Variants in LRR1 observed in about 807,000 individuals in gnomAD.
LRR1 encodes the protein leucine rich repeat protein 1, also known as leucine-rich repeat protein 1.
A neutral mutation model predicts 31.6 loss-of-function variants in LRR1; 29 were observed. The ratio of observed to expected loss-of-function variants is 0.92; its 90% CI spans 0.68 to 1.25. The LOEUF is 1.25. Among genes scored for constraint, LRR1 ranks in the 50% most tolerant of loss-of-function variants. LRR1 has a pLI of 0.00. For missense variants in LRR1, 485 were observed against 487.2 expected, an observed-to-expected ratio of 1.00 and a Z score of 0.04; for synonymous variants, 179 against 181.4, an observed-to-expected ratio of 0.99 and a Z score of 0.10.
intron 3 of LRR1, among the ~76,000 whole-genome samples, chr14:49,611,649 G>A (rs774016441): frequency 2.2e-4 from 34 of 152,098 alleles, no homozygotes; most frequent in Admixed American, 7.9e-4. Flanking sequence ...AAGGCTGGGC[G>A]CAGTGGCTCA....
chr14:49,614,247 T>G lies in LRR1; in HGVS notation c.1005-9T>G. On this transcript the variant is annotated splice_polypyrimidine_tract_variant and intron_variant, in intron 3 of 3. Transcript: ENST00000298288. ...TGTTATAAAATATTTTTATCATTCT[T>G]TCCAATAGGATTCCATATGGCTCTC... 1 of 1,608,228 alleles carries G rather than the reference T, an allele frequency of 6.2e-7. No individual in the cohort carries two copies.
intron 1 of LRR1, chr14:49,601,268 T>G (rs1290849598): frequency 5.5e-6 from 6 of 1,095,220 alleles, no homozygotes; most frequent in Non-Finnish European, 7.6e-6. Flanking sequence ...TGTCTTGATA[T>G]TTGTTATGCT....
intron 3 of LRR1, among the ~76,000 whole-genome samples, chr14:49,613,760 G>A (rs1882600871): frequency 6.6e-6 from 1 of 152,054 alleles, no homozygotes; most frequent in Non-Finnish European, 1.5e-5. Flanking sequence ...AGATTGCAGT[G>A]AGAGCGCGCA....
At chr14:49,609,217 C>CTTTTTTTTTTTTTTTT (rs746422046) in intron 3 of LRR1, among the ~76,000 whole-genome samples, 6 of 76,932 alleles carry the variant, frequency 7.8e-5, no homozygotes, top group African/African-American at 3.3e-4. Context: ...ACACCTGGCC[C>CTTTTTTTTTTTTTTTT]TTTTTTTTTT....
chr14:49,611,654 G>C (rs1379772435), intron 3 of LRR1, among the ~76,000 whole-genome samples: 1 of 152,138 alleles, frequency 6.6e-6, no homozygotes, highest in Non-Finnish European at 1.5e-5. Flanking sequence ...TGGGCGCAGT[G>C]GCTCACGCCT....
chr14:49,611,955 G>A (rs1882531100), intron 3 of LRR1, among the ~76,000 whole-genome samples: 1 of 151,332 alleles, frequency 6.6e-6, no homozygotes, highest in Non-Finnish European at 1.5e-5. Context: ...GAAAGAAATT[G>A]TACATTGTAT....
At chr14:49,609,229 T>TTTTTTTTTTC (rs1882417840) in intron 3 of LRR1, among the ~76,000 whole-genome samples, 2 of 122,672 alleles carry the variant, frequency 1.6e-5, no homozygotes, top group African/African-American at 6.4e-5. Context: ...TTTTTTTTTT[T>TTTTTTTTTTC]TTTTTTTTTT....
chr14:49,604,981 G>A (rs955985046), intron 2 of LRR1, among the ~76,000 whole-genome samples: 2 of 150,676 alleles, frequency 1.3e-5, no homozygotes, highest in African/African-American at 2.4e-5. Context: ...CTGCACCCTC[G>A]ACCTTCCAGG....
At chr14:49,609,231 T>TTTTTTTTC (rs1882419638) in intron 3 of LRR1, among the ~76,000 whole-genome samples, 1 of 106,666 alleles carries the variant, frequency 9.4e-6, no homozygotes, top group Non-Finnish European at 2.0e-5. Flanking sequence ...TTTTTTTTTT[T>TTTTTTTTC]TTTTTTTTTT....
Position 49,607,457 on chromosome 14 carries a change from T to C in LRR1, c.340T>C (p.Cys114Arg). Residue 114 changes from cysteine (C) to arginine (R), a missense_variant, in exon 3 of 4, where the codon TGT (cysteine) becomes CGT (arginine). By Grantham distance (180) the Cys-to-Arg change is radical. Around this residue, in one of 3 missense-constraint regions of LRR1, gnomAD observed 260 missense variants for 249.6 expected, o/e 1.04. Transcript: ENST00000298288. ...AGCTATGAGACTGGCTCATAGAGGC[T>C]GTAATGTTGATACACCAGTTTCAAC... ...LSAMRLAHRG[C>R]NVDTPVSTLT... is the part of the protein sequence containing the mutation. 2 of 1,612,178 alleles carry C rather than the reference T, an allele frequency of 1.2e-6. No homozygotes were observed. Among genetic ancestry groups the C allele is most frequent in the Non-Finnish European group, 1.7e-6 (2 of 1,179,460 alleles).
At chr14:49,613,751 G>C (rs1232403890) in intron 3 of LRR1, among the ~76,000 whole-genome samples, 1 of 152,098 alleles carries the variant, frequency 6.6e-6, no homozygotes, top group East Asian at 1.9e-4. Flanking sequence ...AGGAGGCAGA[G>C]ATTGCAGTGA....
intron 1 of LRR1, chr14:49,600,831 T>C (rs1045540569): frequency 2.3e-4 from 195 of 836,840 alleles, no homozygotes; most frequent in Middle Eastern, 7.3e-4. Context: ...ATAAATACTT[T>C]ATTTCAACTA....
At chr14:49,599,777 C>T (rs1274995673) in intron 1 of LRR1, among the ~76,000 whole-genome samples, 4 of 146,642 alleles carry the variant, frequency 2.7e-5, no homozygotes, top group African/African-American at 9.8e-5. Flanking sequence ...GGGGCCGGGG[C>T]GGGGATCCGG....
intron 1 of LRR1, among the ~76,000 whole-genome samples, 185 bp downstream of exon 1, chr14:49,599,388 C>G (rs2139528603): frequency 1.3e-5 from 2 of 152,328 alleles, no homozygotes; most frequent in South Asian, 4.1e-4. Context: ...TCCTACGGAC[C>G]CGAAAGAAGA....
chr14:49,601,171 G>C (rs1882037411), intron 1 of LRR1: 1 of 1,580,974 alleles, frequency 6.3e-7, no homozygotes, highest in Non-Finnish European at 8.6e-7. Context: ...TTTATTACTT[G>C]AGCACAAGTG....
Position 49,599,116 on chromosome 14 carries a change from C to G in LRR1, c.96C>G (p.Leu32=), listed in dbSNP as rs370959616. ...RGKGVRAVLS[L]CQQTSRSQPP... ...AGGGCGTCCGAGCCGTGTTGAGCCT[C>G]TGTCAGCAGACTTCCAGGAGTCAGC... The change falls in exon 1 of 4, where the codon CTC becomes CTG. Residue 32 remains leucine, a synonymous_variant. Transcript: ENST00000298288. 19 of 1,609,044 alleles carry G rather than the reference C, an allele frequency of 1.2e-5. No individual in the cohort carries two copies. The African/African-American group carries it at 2.4e-4, about 20-fold the overall frequency.
At chr14:49,599,832 C>A (rs1881974597) in intron 1 of LRR1, among the ~76,000 whole-genome samples, 1 of 147,422 alleles carries the variant, frequency 6.8e-6, no homozygotes, top group South Asian at 2.1e-4. Flanking sequence ...GCGGCCCTCT[C>A]CCCTCCGGCG....
Position 49,607,811 on chromosome 14 carries a change from G to T in LRR1, c.694G>T (p.Asp232Tyr), listed in dbSNP as rs1228347284. 10 of 1,613,974 alleles carry T rather than the reference G, an allele frequency of 6.2e-6. No homozygotes were observed. Among genetic ancestry groups the T allele is most frequent in the Non-Finnish European group, 7.6e-6 (9 of 1,180,010 alleles). ...ACTCCAGAAGTCACTTCGGAGTTTG[G>T]ACCTCAGCAAGAACAAAATCAAGGC... Reference protein sequence around the residue: ...STLQKSLRSLDLSKNKIKALP... With the variant: ...STLQKSLRSLYLSKNKIKALP... The change falls in exon 3 of 4, where the codon GAC becomes TAC. Residue 232 changes from aspartate (D) to tyrosine (Y), a missense_variant. Coordinates refer to ENST00000298288, the MANE Select transcript of LRR1 (RefSeq NM_152329.4).
At chr14:49,612,773 A>G (rs1311951186) in intron 3 of LRR1, 1 of 473,204 alleles carries the variant, frequency 2.1e-6, no homozygotes, top group Non-Finnish European at 2.9e-6. Context: ...GCTAGAGACT[A>G]GAGAAACAAC....
Sources: gnomAD v4.1 joint callset for allele counts (sites outside exome capture counted in the v4.1 genomes callset) on GRCh38, gnomAD v4.1.1 for gene constraint, gnomAD v4.1.1 regional missense constraint, MANE v1.5 for transcripts, NCBI Gene and HGNC (gene_info 2026-07-23, HGNC 2026-07-21) for gene names.